Variants in WDR19 observed in about 807,000 individuals in gnomAD.
WDR19 encodes the protein WD repeat-containing protein 19.
Under a neutral mutation model 180.0 loss-of-function variants are expected in WDR19, and 121 were observed. The observed-to-expected ratio is 0.67, with a 90% CI of 0.58 to 0.78. The LOEUF (loss-of-function observed/expected upper bound fraction) is 0.78, where lower values mean the gene tolerates loss of function less well. Among genes scored for constraint, WDR19 ranks in the 30% least tolerant of loss-of-function variants. The pLI, the probability that WDR19 is intolerant of heterozygous loss-of-function variation, is 0.00. For synonymous variants in WDR19, 497 were observed against 540.7 expected, an observed-to-expected ratio of 0.92 and a Z score of 1.12; for missense variants, 1,450 against 1,640.7, an observed-to-expected ratio of 0.88 and a Z score of 2.01.
rs1480024717 is a variant in WDR19 at position 39,266,010 on chromosome 4, C to G, written c.3184-53C>G. 4.1e-6 allele frequency: 6 copies of G among 1,459,608 alleles called. No homozygotes were observed. In the East Asian group the frequency reaches 1.2e-4, roughly 30 times the overall value. The allele number at this position is 1,459,608 out of a possible 1,614,324, so 90.4% of individuals were successfully genotyped here. ...GCAGAAGATTGTCTTTTTCTCCACT[C>G]TTGCTCGGTTTAAGATGCTGAATTT... On this transcript the variant is annotated intron_variant, in intron 28 of 36. Transcript: ENST00000399820.
chr4:39,271,526 A>T (rs1735374796), intron 31 of WDR19, among the ~76,000 whole-genome samples: 1 of 152,106 alleles, frequency 6.6e-6, no homozygotes, highest in Admixed American at 6.5e-5. Context: ...CTATAATCAC[A>T]CCATGGCACT....
chr4:39,265,805 A>G (rs1734731402), intron 28 of WDR19, among the ~76,000 whole-genome samples: 1 of 151,042 alleles, frequency 6.6e-6, no homozygotes, highest in African/African-American at 2.4e-5. Flanking sequence ...CAAGAAGTAC[A>G]TTCTCTGTGC....
chr4:39,258,364 G>A (rs1733961988), intron 28 of WDR19, among the ~76,000 whole-genome samples: 1 of 152,016 alleles, frequency 6.6e-6, no homozygotes. Context: ...TGTTGGCCAG[G>A]CTGGTCTCGA....
rs115871400 is a variant in WDR19 at position 39,239,744 on chromosome 4, C to T, written c.2364-533C>T. 3.5e-3 allele frequency among the ~76,000 whole-genome samples: 537 copies of T among 152,214 alleles called. 1 individual carries two copies. The highest frequency in any genetic ancestry group is 5.4e-3 in the Non-Finnish European group (366 of 68,022). On this transcript the variant is annotated intron_variant, in intron 20 of 36. Transcript: ENST00000399820. ...AAGTACCTTATAGTATAGCATAACC[C>T]GGCTTAATAATTACTTTTAAAATAG...
In WDR19 at chr4:39,228,621, T is replaced by C; in HGVS notation, c.1913T>C (p.Leu638Pro). ...NNIYLSTHGF[L>P]SNLKDTGPDE... is the part of the protein sequence containing the mutation. ...ATCTACCTTAGCACCCATGGCTTTC[T>C]CAGCAACTTAAAAGATACGGGGCCT... is the stretch of plus-strand genomic sequence containing the variant. Residue 638 changes from leucine to proline, a missense_variant, in exon 17 of 37, where the codon CTC becomes CCC. By Grantham distance (98) the Leu-to-Pro change is moderately conservative. Transcript: ENST00000399820. 6.2e-7 allele frequency: 1 copy of C among 1,613,476 alleles called. No homozygotes were observed. Among genetic ancestry groups the C allele is most frequent in the Non-Finnish European group, 8.5e-7 (1 of 1,179,596 alleles).
chr4:39,259,113 T>C (rs1253296272), intron 28 of WDR19, among the ~76,000 whole-genome samples: 1 of 152,164 alleles, frequency 6.6e-6, no homozygotes, highest in African/African-American at 2.4e-5. Flanking sequence ...TATCCCATGA[T>C]CATGAAAATA....
chr4:39,276,439 C>T (rs1031225716), intron 33 of WDR19, among the ~76,000 whole-genome samples: 3 of 152,128 alleles, frequency 2.0e-5, no homozygotes, highest in African/African-American at 7.2e-5. Context: ...TCTCCCCATG[C>T]ACAAATGGTT....
chr4:39,183,395 G>A (rs1373228805), intron 1 of WDR19, among the ~76,000 whole-genome samples: 1 of 151,624 alleles, frequency 6.6e-6, no homozygotes, highest in African/African-American at 2.4e-5. Context: ...GACTACAGGC[G>A]CGTGCCACCA....
intron 36 of WDR19, among the ~76,000 whole-genome samples, chr4:39,285,053 CCAT>C (rs4008369): frequency 0.51 from 76,903 of 150,878 alleles, 21,224 homozygotes; most frequent in African/African-American, 0.74. Flanking sequence ...TAACAAGACC[CCAT>C]CATCTCCTAG....
chr4:39,277,087 G>A lies in WDR19; in HGVS notation c.3784G>A (p.Glu1262Lys), dbSNP rs1553919125. 1 of 1,613,900 alleles carries A rather than the reference G, an allele frequency of 6.2e-7. No homozygotes were observed. Among genetic ancestry groups the A allele is most frequent in the Non-Finnish European group, 8.5e-7 (1 of 1,179,860 alleles). Residue 1262 changes from glutamate to lysine, a missense_variant, in exon 34 of 37, where the codon GAG (glutamate) becomes AAG (lysine). Coordinates refer to ENST00000399820, the MANE Select transcript of WDR19 (RefSeq NM_025132.4). The part of the protein sequence containing the change: ...PCPFCKFLLP[E>K]CELLCPGCKN... ...TCCATTCTGCAAATTTCTTCTCCCAGAGTGTGAACTCCTCTGTCCTGGATG... is the reference window on the plus strand; with the variant it reads ...TCCATTCTGCAAATTTCTTCTCCCAAAGTGTGAACTCCTCTGTCCTGGATG...
chr4:39,217,936 G>A, intron 13 of WDR19, 47 bp from the exon 14 acceptor site: 1 of 1,606,044 alleles, frequency 6.2e-7, no homozygotes, highest in Non-Finnish European at 8.5e-7. Context: ...TGTATAGATG[G>A]TTTACTCAAA....
At chr4:39,255,344 G>C (rs6831700) in intron 26 of WDR19, among the ~76,000 whole-genome samples, 1 of 152,068 alleles carries the variant, frequency 6.6e-6, no homozygotes, top group South Asian at 2.1e-4. Flanking sequence ...GGCGCAGCAT[G>C]GTTGTTATAC....
At chr4:39,268,843 G>T (rs1735063866) in intron 30 of WDR19, among the ~76,000 whole-genome samples, 1 of 152,282 alleles carries the variant, frequency 6.6e-6, no homozygotes, top group South Asian at 2.1e-4. Flanking sequence ...GGGATGACAA[G>T]TGCCAGACTA....
chr4:39,218,798 G>A lies in WDR19; in HGVS notation c.1479+693G>A, dbSNP rs1729356302. The A allele has an allele frequency of 2.0e-5, 3 of 152,172 alleles. 1 individual carries two copies. The highest frequency in any genetic ancestry group is 2.0e-4 in the Admixed American group (3 of 15,280). 9.4% of individuals were successfully genotyped at this position (152,172 alleles called of 1,614,324 possible). A position where few individuals can be genotyped will look rare whatever the true frequency, so the allele number is the denominator to read the frequency against. ...ACTTAGCTTAAAACACAAACACATT[G>A]TACAGTTACACAAAATATTTTCTTA... is the stretch of plus-strand genomic sequence containing the variant. On this transcript the variant is annotated intron_variant, in intron 14 of 36. Transcript: ENST00000399820.
chr4:39,205,899 C>T, intron 9 of WDR19, 163 bp downstream of exon 9: 3 of 668,638 alleles, frequency 4.5e-6, no homozygotes, highest in Middle Eastern at 4.3e-4. Context: ...AAATATAAAA[C>T]AAAGTATAGT....
At chr4:39,197,961 C>T (rs1293335967) in intron 5 of WDR19, among the ~76,000 whole-genome samples, 1 of 152,156 alleles carries the variant, frequency 6.6e-6, no homozygotes, top group East Asian at 1.9e-4. Flanking sequence ...ACCTCAGCTT[C>T]CCGAGTAGCT....
At chr4:39,275,573 C>T (rs1478878059) in intron 33 of WDR19, among the ~76,000 whole-genome samples, 1 of 152,072 alleles carries the variant, frequency 6.6e-6, no homozygotes, top group Non-Finnish European at 1.5e-5. Context: ...ATCTGCCACA[C>T]CCCCAGACAT....
chr4:39,244,483 C>T lies in WDR19; in HGVS notation c.2576C>T (p.Ala859Val), dbSNP rs1241209326. 8 of 1,613,922 alleles carry T rather than the reference C, an allele frequency of 5.0e-6. No homozygotes were observed. The highest frequency in any genetic ancestry group is 1.6e-4 in the Middle Eastern group (1 of 6,062). The change falls in exon 23 of 37, where the codon GCG (alanine) becomes GTG (valine). Residue 859 changes from alanine (A) to valine (V), a missense_variant. Transcript: ENST00000399820. ...GTCTTATTTTAGCAATTTTCAGAAG[C>T]GGCCCAACTGTATGAAAAAGGTCTC... ...ILENMKQFSE[A>V]AQLYEKGLYY...
intron 28 of WDR19, 141 bp downstream of exon 28, chr4:39,257,695 A>C: frequency 1.4e-6 from 1 of 709,534 alleles, no homozygotes; most frequent in Non-Finnish European, 2.3e-6. Context: ...ACAGCTGTCA[A>C]TACATAGACA....
Sources: gnomAD v4.1 joint callset for allele counts (sites outside exome capture counted in the v4.1 genomes callset) on GRCh38, gnomAD v4.1.1 for gene constraint, MANE v1.5 for transcripts, NCBI Gene and HGNC (gene_info 2026-07-23, HGNC 2026-07-21) for gene names.